DNAH14: variants seen among roughly 807,000 people sequenced by gnomAD.
DNAH14 encodes axonemal beta dynein heavy chain 14.
A neutral mutation model predicts 520.9 loss-of-function variants in DNAH14; 478 were observed. That is an observed-to-expected ratio of 0.92 (90% CI 0.85 to 0.99). The LOEUF (loss-of-function observed/expected upper bound fraction) is 0.99. DNAH14 is among the 50% of genes least tolerant of loss of function. The pLI is 0.00. For missense variants in DNAH14, 4,831 were observed against 5,234.5 expected (o/e 0.92, Z 2.38); for synonymous variants, 1,581 against 1,757.2 (o/e 0.90, Z 2.51).
In DNAH14 at chr1:225,308,430, A is replaced by T; in HGVS notation, c.9240+20A>T. Reference sequence around the variant, plus strand: ...GCTCAGGTAAAATTAAAATATTGTCAATAAAAATAATTTGGAGATTTGAAA... The same window carrying T: ...GCTCAGGTAAAATTAAAATATTGTCTATAAAAATAATTTGGAGATTTGAAA... On this transcript the variant is annotated intron_variant, in intron 60 of 85. Transcript: ENST00000682510. The T allele has an allele frequency of 6.7e-7, 1 of 1,503,324 alleles. No individual in the cohort carries two copies. The highest frequency in any genetic ancestry group is 8.8e-7 in the Non-Finnish European group (1 of 1,131,310). The allele number at this position is 1,503,324 out of a possible 1,614,324, so 93.1% of individuals were successfully genotyped here.
chr1:225,330,575 T>G (rs527760539), intron 64 of DNAH14, among the ~76,000 whole-genome samples: 132 of 152,214 alleles, frequency 8.7e-4, no homozygotes, highest in Non-Finnish European at 1.8e-3. Context: ...ACATGGCATG[T>G]TCTCACTTAT....
chr1:225,297,076 A>G (rs1448491038), intron 55 of DNAH14, among the ~76,000 whole-genome samples: 2 of 151,952 alleles, frequency 1.3e-5, no homozygotes, highest in Non-Finnish European at 2.9e-5. Flanking sequence ...TGCTTTCTAC[A>G]TCTTTTCCCT....
intron 65 of DNAH14, 81 bp from the exon 66 acceptor site, chr1:225,333,210 C>A: frequency 8.6e-7 from 1 of 1,165,926 alleles, no homozygotes; most frequent in African/African-American, 1.5e-5. Flanking sequence ...ATGATAGATC[C>A]AACTTGGAAA....
At chr1:225,317,839 G>A (rs1050955481) in intron 60 of DNAH14, among the ~76,000 whole-genome samples, 1 of 152,104 alleles carries the variant, frequency 6.6e-6, no homozygotes, top group Non-Finnish European at 1.5e-5. Context: ...TCTGGTGCCA[G>A]ATCCTATAGG....
chr1:224,983,377 G>A (rs569618956), intron 8 of DNAH14, among the ~76,000 whole-genome samples: 1 of 152,188 alleles, frequency 6.6e-6, no homozygotes, highest in Non-Finnish European at 1.5e-5. Flanking sequence ...AAAACCCTCA[G>A]CAAAATCGGC....
chr1:225,146,118 A>G (rs1209719822), intron 30 of DNAH14, among the ~76,000 whole-genome samples: 1 of 152,212 alleles, frequency 6.6e-6, no homozygotes, highest in Non-Finnish European at 1.5e-5. Context: ...GGAAACCACT[A>G]GTGGGGCCTA....
chr1:225,287,062 C>A (rs1378492705), intron 54 of DNAH14, among the ~76,000 whole-genome samples: 1 of 151,946 alleles, frequency 6.6e-6, no homozygotes, highest in African/African-American at 2.4e-5. Context: ...TATTTGTTGT[C>A]TAAGGGTTTG....
At chr1:225,199,314 A>G (rs1472027135) in intron 38 of DNAH14, among the ~76,000 whole-genome samples, 1 of 150,126 alleles carries the variant, frequency 6.7e-6, no homozygotes, top group East Asian at 2.0e-4. Flanking sequence ...TATCTTTTGT[A>G]TATTTTTTGT....
chr1:225,078,935 C>G (rs926531633), intron 17 of DNAH14, among the ~76,000 whole-genome samples: 1 of 149,000 alleles, frequency 6.7e-6, no homozygotes, highest in African/African-American at 2.5e-5. Flanking sequence ...GCTTGCTTCC[C>G]TTTCACCTTC....
chr1:225,163,367 T>C (rs572683395), intron 35 of DNAH14, among the ~76,000 whole-genome samples: 64 of 152,308 alleles, frequency 4.2e-4, no homozygotes, highest in African/African-American at 1.5e-3. Context: ...CTTGTCTGAT[T>C]GCTCCAGCTA....
chr1:224,934,476 T>A (rs956485568), intron 1 of DNAH14, among the ~76,000 whole-genome samples: 7 of 151,372 alleles, frequency 4.6e-5, no homozygotes, highest in African/African-American at 1.5e-4. Flanking sequence ...TTGAAATAAT[T>A]CAGTCAGAAA....
Position 225,147,181 on chromosome 1 carries a change from G to C in DNAH14, c.4872G>C (p.Leu1624Phe). Residue 1624 changes from leucine (L) to phenylalanine (F), a missense_variant, in exon 31 of 86, where the codon TTG becomes TTC. Transcript: ENST00000682510. ...SCFDEFNLID[L>F]EVLSVIASQI... ...TTGATGAATTCAATCTAATTGATTTGGAAGTTCTCTCTGTCATTGCCTCAC... is the reference window on the plus strand; with the variant it reads ...TTGATGAATTCAATCTAATTGATTTCGAAGTTCTCTCTGTCATTGCCTCAC... 2 of 1,550,490 alleles carry C rather than the reference G, an allele frequency of 1.3e-6. No individual in the cohort carries two copies. Among genetic ancestry groups the C allele is most frequent in the Non-Finnish European group, 1.7e-6 (2 of 1,146,476 alleles).
intron 60 of DNAH14, among the ~76,000 whole-genome samples, chr1:225,309,432 A>G (rs2094312840): frequency 6.6e-6 from 1 of 152,194 alleles, no homozygotes; most frequent in Non-Finnish European, 1.5e-5. Context: ...GTAAGCTGCA[A>G]GGCTTCCTCG....
In DNAH14 at chr1:224,993,670, ACT is replaced by A. The variant is rs1345208214; in HGVS notation, c.831-9110_831-9109del. Among the ~76,000 whole-genome samples the A allele has an allele frequency of 2.0e-5, 3 of 147,572 alleles. No homozygotes were observed. In the East Asian group the frequency reaches 6.0e-4, roughly 30 times the overall value. On this transcript the variant is annotated intron_variant, in intron 8 of 85. Coordinates refer to ENST00000682510, the MANE Select transcript of DNAH14 (RefSeq NM_001367479.1). Reference sequence around the variant, plus strand: ...TGATCTTTTAAATTATTTTTTCTAGACTCTATTTTATTTGTTGCTGCTCTGGT... The same window carrying A: ...TGATCTTTTAAATTATTTTTTCTAGACTATTTTATTTGTTGCTGCTCTGGT...
intron 11 of DNAH14, among the ~76,000 whole-genome samples, chr1:225,032,930 G>A (rs2456328): frequency 0.8 from 120,658 of 151,578 alleles, 51,410 homozygotes; most frequent in Non-Finnish European, 0.96. Flanking sequence ...GTGGGGTTGT[G>A]TTTTTCTTGT....
intron 2 of DNAH14, chr1:224,954,422 T>A (rs913307318): frequency 2.6e-5 from 4 of 152,326 alleles, no homozygotes; most frequent in African/African-American, 9.7e-5. Flanking sequence ...ATCTACCATA[T>A]AAGTCTATTG....
chr1:225,044,880 A>T (rs985972188), intron 15 of DNAH14, among the ~76,000 whole-genome samples: 15 of 152,106 alleles, frequency 9.9e-5, no homozygotes, highest in African/African-American at 3.4e-4. Context: ...ATTCTAAACA[A>T]CTGTGCTCTC....
intron 46 of DNAH14, among the ~76,000 whole-genome samples, chr1:225,260,294 GT>G (rs1231924869): frequency 6.6e-6 from 1 of 151,388 alleles, no homozygotes; most frequent in Non-Finnish European, 1.5e-5. Flanking sequence ...GGAGGTTGCA[GT>G]GAGCCAAGAT....
intron 52 of DNAH14, among the ~76,000 whole-genome samples, chr1:225,273,799 A>G (rs2093381969): frequency 6.6e-6 from 1 of 152,174 alleles, no homozygotes; most frequent in Admixed American, 6.5e-5. Context: ...GTTTCAATAA[A>G]CTGATCACAC....
Sources: allele counts gnomAD v4.1 joint callset (sites outside exome capture counted in the v4.1 genomes callset), GRCh38; gene constraint gnomAD v4.1.1; transcripts MANE v1.5; gene names NCBI Gene and HGNC (gene_info 2026-07-23, HGNC 2026-07-21).